The following CAMTA1 variants were observed in gnomAD, a reference collection of about 807,000 sequenced individuals.
CAMTA1 encodes calmodulin-binding transcription activator 1.
A neutral mutation model predicts 170.9 loss-of-function variants in CAMTA1; 27 were observed. That is an observed-to-expected ratio of 0.16 (90% CI 0.12 to 0.22). The LOEUF is 0.22. Ranked by LOEUF, CAMTA1 falls within the 10% of genes least tolerant of loss-of-function variation. The pLI is 1.00. For synonymous variants in CAMTA1, 833 were observed against 891.5 expected, an observed-to-expected ratio of 0.93 and a Z score of 1.17; for missense variants, 1,619 against 2,217.2, an observed-to-expected ratio of 0.73 and a Z score of 5.42.
At chr1:7,095,021 C>G (rs936981710) in intron 4 of CAMTA1, among the ~76,000 whole-genome samples, 2 of 152,052 alleles carry the variant, frequency 1.3e-5, no homozygotes, top group South Asian at 4.2e-4. Context: ...GGGGAGGTGT[C>G]CCTGGCCATG....
chr1:6,919,251 A>G (rs1456397577), intron 3 of CAMTA1, among the ~76,000 whole-genome samples: 3 of 152,182 alleles, frequency 2.0e-5, no homozygotes, highest in South Asian at 4.1e-4. Context: ...TCACCTCTCT[A>G]TCCCCTCAGG....
At chr1:6,851,332 G>A (rs1179162576) in intron 3 of CAMTA1, among the ~76,000 whole-genome samples, 2 of 152,108 alleles carry the variant, frequency 1.3e-5, no homozygotes, top group Non-Finnish European at 2.9e-5. Context: ...TTAGTAATAA[G>A]TAGAAAACAA....
chr1:7,331,776 C>T (rs2083051010), intron 5 of CAMTA1, among the ~76,000 whole-genome samples: 1 of 152,192 alleles, frequency 6.6e-6, no homozygotes, highest in African/African-American at 2.4e-5. Flanking sequence ...TTGACCTTCT[C>T]AACTGCAATG....
At chr1:7,452,805 G>A (rs1051255189) in intron 5 of CAMTA1, among the ~76,000 whole-genome samples, 10 of 152,214 alleles carry the variant, frequency 6.6e-5, no homozygotes, top group Non-Finnish European at 1.5e-4. Context: ...CTTGTGTGAA[G>A]TGTGCCACTG....
chr1:7,688,894 C>T (rs900190796), intron 11 of CAMTA1, among the ~76,000 whole-genome samples: 35 of 152,142 alleles, frequency 2.3e-4, no homozygotes, highest in Non-Finnish European at 1.2e-4. Flanking sequence ...AAATCAGAGT[C>T]CTTTGTTAGG....
At position 7,680,897 on chromosome 1, in the gene CAMTA1, T is replaced by TCTTTGTCCCCGCGGCGCAGC. The variant is rs1459506015; in HGVS notation, c.2914+3181_2914+3200dup. ...AGCAGCAGCAGCTGCTGCGGCGAAG[T>TCTTTGTCCCCGCGGCGCAGC]CTTTGTCCCCGCGGCGCAGCCTTTG... On this transcript the variant is annotated intron_variant, in intron 11 of 22. Coordinates refer to ENST00000303635, the MANE Select transcript of CAMTA1 (RefSeq NM_015215.4). This position sits in a 1 kb window ranked among gnomAD's most constrained non-coding sequence, Gnocchi z 4.4. Among the ~76,000 whole-genome samples the TCTTTGTCCCCGCGGCGCAGC allele has an allele frequency of 1.2e-4, 16 of 132,960 alleles. No homozygotes were observed. Among genetic ancestry groups the TCTTTGTCCCCGCGGCGCAGC allele is most frequent in the African/African-American group, 4.0e-4 (15 of 37,476 alleles). 87.2% of individuals were successfully genotyped at this position (132,960 alleles called of 152,430 possible). A position where few individuals can be genotyped will look rare whatever the true frequency, so the allele number is the denominator to read the frequency against.
At chr1:7,317,799 T>C (rs1677753212) in intron 5 of CAMTA1, among the ~76,000 whole-genome samples, 1 of 152,184 alleles carries the variant, frequency 6.6e-6, no homozygotes, top group African/African-American at 2.4e-5. Flanking sequence ...CAAAACTCTT[T>C]TTGGGGATAT....
At chr1:7,350,044 A>G (rs965221857) in intron 5 of CAMTA1, among the ~76,000 whole-genome samples, 1 of 152,108 alleles carries the variant, frequency 6.6e-6, no homozygotes, top group Admixed American at 6.5e-5. Flanking sequence ...TGTGTGGGCA[A>G]CTTTACAAGT....
intron 3 of CAMTA1, among the ~76,000 whole-genome samples, chr1:6,899,042 G>T (rs896987084): frequency 6.6e-6 from 1 of 152,196 alleles, no homozygotes; most frequent in Non-Finnish European, 1.5e-5. Flanking sequence ...GATCTGTGAG[G>T]TCATCGGTAC....
chr1:7,080,068 T>TA (rs1639812108), intron 3 of CAMTA1, among the ~76,000 whole-genome samples: 1 of 152,242 alleles, frequency 6.6e-6, no homozygotes, highest in Non-Finnish European at 1.5e-5. Context: ...TTATTGTATG[T>TA]AAATTATATC....
At position 7,333,396 on chromosome 1, in the gene CAMTA1, A is replaced by G. The variant is rs2083155338; in HGVS notation, c.438+83770A>G. On this transcript the variant is annotated intron_variant, in intron 5 of 22. Coordinates refer to ENST00000303635, the MANE Select transcript of CAMTA1 (RefSeq NM_015215.4). This position sits in a 1 kb window ranked among gnomAD's most constrained non-coding sequence, Gnocchi z 4.4. ...CCACGCTGCAGAGTGATGATCGCAT[A>G]GGCACGCCTTCCTGCAAGGTCACAG... 6.6e-6 allele frequency among the ~76,000 whole-genome samples: 1 copy of G among 152,200 alleles called. No homozygotes were observed. The highest frequency in any genetic ancestry group is 1.5e-5 in the Non-Finnish European group (1 of 68,030).
intron 6 of CAMTA1, among the ~76,000 whole-genome samples, chr1:7,608,425 C>T (rs139925678): frequency 0.013 from 2,031 of 152,286 alleles, 73 homozygotes; most frequent in Admixed American, 0.066. Flanking sequence ...GGAGCAGGCA[C>T]ATGTCCTTAG....
intron 3 of CAMTA1, among the ~76,000 whole-genome samples, chr1:6,897,061 G>A (rs1022479064): frequency 6.6e-6 from 1 of 152,174 alleles, no homozygotes; most frequent in African/African-American, 2.4e-5. Flanking sequence ...CAATTCATTA[G>A]ACTAGTTTTA....
At chr1:6,863,730 A>G (rs1045178606) in intron 3 of CAMTA1, among the ~76,000 whole-genome samples, 12 of 152,234 alleles carry the variant, frequency 7.9e-5, no homozygotes, top group African/African-American at 2.9e-4. Context: ...CCCTGCTAAC[A>G]TTACTGTGGT....
intron 3 of CAMTA1, among the ~76,000 whole-genome samples, chr1:6,909,446 G>GA: frequency 6.6e-6 from 1 of 152,372 alleles, no homozygotes; most frequent in East Asian, 1.9e-4. Flanking sequence ...TTCAGAGCCA[G>GA]AAAAGGCCCA....
At chr1:7,342,843 C>T (rs1380684965) in intron 5 of CAMTA1, among the ~76,000 whole-genome samples, 1 of 152,132 alleles carries the variant, frequency 6.6e-6, no homozygotes, top group African/African-American at 2.4e-5. Context: ...AAACTATTCA[C>T]CTCCCCAACT....
At chr1:7,704,968 G>A (rs1160286932) in intron 11 of CAMTA1, among the ~76,000 whole-genome samples, 1 of 121,000 alleles carries the variant, frequency 8.3e-6, no homozygotes, top group African/African-American at 3.0e-5. Context: ...GGGCGCGCGC[G>A]GGGCGGGGGC....
At chr1:6,938,264 G>A (rs933253310) in intron 3 of CAMTA1, among the ~76,000 whole-genome samples, 7 of 152,212 alleles carry the variant, frequency 4.6e-5, no homozygotes, top group Non-Finnish European at 1.0e-4. Context: ...CCTTTCCCAT[G>A]TGGCTGGCAA....
chr1:7,349,145 C>T (rs556056050), intron 5 of CAMTA1, among the ~76,000 whole-genome samples: 29 of 152,330 alleles, frequency 1.9e-4, no homozygotes, highest in African/African-American at 5.3e-4. Flanking sequence ...CCGTTCTCCT[C>T]GAGCGCATGT....
Sources: allele counts gnomAD v4.1 joint callset (sites outside exome capture counted in the v4.1 genomes callset), GRCh38; gene constraint gnomAD v4.1.1; non-coding constraint Gnocchi (gnomAD v3.1); transcripts MANE v1.5; gene names NCBI Gene and HGNC (gene_info 2026-07-23, HGNC 2026-07-21).